Variants in CIROZ observed in about 807,000 individuals in gnomAD.
CIROZ encodes the protein ciliated left-right organizer ZP-N domains-containing protein.
At chr1:10,975,204 G>A in the CIROZ span, among the ~76,000 whole-genome samples, 5 of 152,092 alleles carry the variant, frequency 3.3e-5, no homozygotes, top group African/African-American at 1.2e-4. Flanking sequence ...TCAGGAGTTC[G>A]AGGCCAGCCT....
At chr1:10,959,962 C>T in the CIROZ span, among the ~76,000 whole-genome samples, 8 of 152,260 alleles carry the variant, frequency 5.3e-5, no homozygotes, top group South Asian at 6.2e-4. The surrounding 1 kb of genome is among the most constrained non-coding windows in gnomAD (Gnocchi z 4.3). Flanking sequence ...GAGGAGGATG[C>T]GGCAATTCCT....
At chr1:10,947,911 C>G in the CIROZ span, 1 of 1,613,618 alleles carries the variant, frequency 6.2e-7, no homozygotes, top group Non-Finnish European at 8.5e-7. Flanking sequence ...TCCTGGCCCA[C>G]AGGCCAGCCA....
the CIROZ span, among the ~76,000 whole-genome samples, chr1:10,958,333 C>G: frequency 6.6e-6 from 1 of 152,204 alleles, no homozygotes; most frequent in Non-Finnish European, 1.5e-5. Flanking sequence ...AAAGGACCAG[C>G]AGAAGGAAAA....
chr1:10,975,733 A>T, the CIROZ span, among the ~76,000 whole-genome samples: 1 of 152,042 alleles, frequency 6.6e-6, no homozygotes, highest in Non-Finnish European at 1.5e-5. Flanking sequence ...GGGGCTCTGG[A>T]GGGTGAAATC....
the CIROZ span, chr1:10,964,069 G>A: frequency 6.3e-7 from 1 of 1,593,354 alleles, no homozygotes; most frequent in Non-Finnish European, 8.5e-7. Flanking sequence ...TTGGCCTTTA[G>A]AGAGAAGCCC....
the CIROZ span, among the ~76,000 whole-genome samples, chr1:10,958,493 A>C: frequency 1.3e-5 from 2 of 152,178 alleles, no homozygotes; most frequent in Non-Finnish European, 2.9e-5. Flanking sequence ...TCCCCTCTTC[A>C]AGATTGTTCT....
At chr1:10,949,275 A>C in the CIROZ span, 1 of 294,734 alleles carries the variant, frequency 3.4e-6, no homozygotes, top group Non-Finnish European at 6.3e-6. Context: ...CTGGGTCTCC[A>C]GTCCTCTGGT....
At chr1:10,949,631 A>C in the CIROZ span, 4 of 1,602,418 alleles carry the variant, frequency 2.5e-6, no homozygotes, top group Non-Finnish European at 3.4e-6. Context: ...TGCTTTGGCC[A>C]GTGCGTCGGA....
At chr1:10,981,706 C>T in the CIROZ span, among the ~76,000 whole-genome samples, 1 of 152,156 alleles carries the variant, frequency 6.6e-6, no homozygotes, top group African/African-American at 2.4e-5. Flanking sequence ...CCCTCTAGGA[C>T]AAGGAAGACG....
the CIROZ span, among the ~76,000 whole-genome samples, chr1:10,963,392 A>C: frequency 1.1e-4 from 16 of 152,092 alleles, no homozygotes; most frequent in Non-Finnish European, 2.1e-4. Context: ...CCATCTCAAA[A>C]AAACAAACAA....
At chr1:10,950,034 T>TC in the CIROZ span, among the ~76,000 whole-genome samples, 1 of 142,502 alleles carries the variant, frequency 7.0e-6, no homozygotes, top group African/African-American at 2.7e-5. Flanking sequence ...AAGATTCTTT[T>TC]TTTTTTTTTT....
the CIROZ span, chr1:10,958,835 C>T: frequency 2.1e-5 from 29 of 1,404,980 alleles, no homozygotes; most frequent in Middle Eastern, 3.8e-4. Context: ...CCATCAGCAC[C>T]GGCAATTACC....
chr1:10,954,065 C>G, the CIROZ span: 1 of 1,613,776 alleles, frequency 6.2e-7, no homozygotes, highest in African/African-American at 1.3e-5. Context: ...CCGGGGCAGC[C>G]ATCTCGGCAA....
At chr1:10,951,049 G>A in the CIROZ span, among the ~76,000 whole-genome samples, 6 of 152,126 alleles carry the variant, frequency 3.9e-5, no homozygotes, top group East Asian at 1.2e-3. Context: ...CCATGCCCAG[G>A]CCCTGGGTGT....
the CIROZ span, among the ~76,000 whole-genome samples, chr1:10,965,904 T>C: frequency 6.6e-6 from 1 of 152,050 alleles, no homozygotes; most frequent in Non-Finnish European, 1.5e-5. Flanking sequence ...GAGCCCATAA[T>C]GGGCCTGTGC....
the CIROZ span, chr1:10,948,982 T>C: frequency 1.8e-5 from 14 of 774,704 alleles, no homozygotes; most frequent in South Asian, 5.2e-4. Context: ...CCCAACACAA[T>C]AGGAGGCCAA....
the CIROZ span, chr1:10,966,452 G>T: frequency 6.5e-7 from 1 of 1,536,214 alleles, no homozygotes; most frequent in Non-Finnish European, 8.7e-7. Context: ...AGCAAGAGAA[G>T]AATCCAGGTG....
the CIROZ span, among the ~76,000 whole-genome samples, chr1:10,965,373 A>AT: frequency 2.6e-5 from 4 of 152,250 alleles, no homozygotes; most frequent in African/African-American, 9.6e-5. Context: ...GAAAAAAAAA[A>AT]CTGTGAGCCA....
chr1:10,970,157 AAAGGAAGG>A, the CIROZ span: 22 of 1,335,964 alleles, frequency 1.6e-5, no homozygotes, highest in African/African-American at 2.2e-4. Context: ...AGGAAGGAAG[AAAGGAAGG>A]AAGGAAGGAA....
Sources: allele counts gnomAD v4.1 joint callset (sites outside exome capture counted in the v4.1 genomes callset), GRCh38; gene constraint gnomAD v4.1.1; non-coding constraint Gnocchi (gnomAD v3.1); transcripts MANE v1.5; gene names NCBI Gene and HGNC (gene_info 2026-07-23, HGNC 2026-07-21).